SYT1: variants seen among roughly 807,000 people sequenced by gnomAD.
The protein encoded by SYT1 is synaptotagmin 1, also known as synaptotagmin-1.
Under a neutral mutation model 44.8 loss-of-function variants are expected in SYT1, and 8 were observed. The ratio of observed to expected loss-of-function variants is 0.18; its 90% CI spans 0.10 to 0.32. SYT1 has a LOEUF of 0.32. Among genes scored for constraint, SYT1 ranks in the 10% least tolerant of loss-of-function variants. SYT1 has a pLI of 1.00. For synonymous variants in SYT1, 154 were observed against 188.8 expected, an observed-to-expected ratio of 0.82 and a Z score of 1.51; for missense variants, 286 against 509.3, an observed-to-expected ratio of 0.56 and a Z score of 4.22.
chr12:79,346,073 T>C (rs1882593133), intron 8 of SYT1, among the ~76,000 whole-genome samples: 1 of 152,242 alleles, frequency 6.6e-6, no homozygotes. Flanking sequence ...AAGAGTACAG[T>C]GTTTCCATCA....
chr12:79,010,933 T>A (rs941207642), intron 2 of SYT1, among the ~76,000 whole-genome samples: 1 of 152,196 alleles, frequency 6.6e-6, no homozygotes, highest in African/African-American at 2.4e-5. Flanking sequence ...ACCTATTTTA[T>A]TTCCCCTCAA....
At chr12:79,286,899 CAA>C (rs1460607173) in intron 5 of SYT1, among the ~76,000 whole-genome samples, 1 of 151,978 alleles carries the variant, frequency 6.6e-6, no homozygotes, top group Non-Finnish European at 1.5e-5. Flanking sequence ...TCATCAAATA[CAA>C]AAGTTTTATT....
intron 2 of SYT1, among the ~76,000 whole-genome samples, chr12:79,026,702 T>TATATATATATATATATATAAAAAA: frequency 8.0e-6 from 1 of 125,314 alleles, no homozygotes; most frequent in South Asian, 2.5e-4. Context: ...TATATATATA[T>TATATATATATATATATATAAAAAA]CACACTTTCA....
chr12:79,114,783 C>T (rs75549438), intron 3 of SYT1, among the ~76,000 whole-genome samples: 2,282 of 152,138 alleles, frequency 0.015, 91 homozygotes, highest in South Asian at 0.084. Context: ...AGAAGACCCC[C>T]CAGATTTTGA....
At chr12:79,068,080 A>C (rs1319879559) in intron 3 of SYT1, among the ~76,000 whole-genome samples, 1 of 152,158 alleles carries the variant, frequency 6.6e-6, no homozygotes, top group African/African-American at 2.4e-5. Context: ...ATTTGGGTTG[A>C]AGTTGCAAAA....
chr12:78,971,827 A>G (rs1258746803), intron 1 of SYT1, among the ~76,000 whole-genome samples: 1 of 152,154 alleles, frequency 6.6e-6, no homozygotes, highest in Non-Finnish European at 1.5e-5. Flanking sequence ...CTTCAACTAT[A>G]CTACTAATAC....
chr12:78,897,679 G>A (rs1402970923), intron 1 of SYT1, among the ~76,000 whole-genome samples: 1 of 152,010 alleles, frequency 6.6e-6, no homozygotes, highest in Non-Finnish European at 1.5e-5. Context: ...GCCTATGCTA[G>A]GGCTTTACAT....
chr12:79,368,400 T>A (rs1459891248), intron 9 of SYT1, among the ~76,000 whole-genome samples: 1 of 152,108 alleles, frequency 6.6e-6, no homozygotes, highest in Non-Finnish European at 1.5e-5. Context: ...TATAGTCCTT[T>A]GGGTATATAC....
At chr12:78,913,923 G>A (rs1255914066) in intron 1 of SYT1, among the ~76,000 whole-genome samples, 3 of 151,546 alleles carry the variant, frequency 2.0e-5, no homozygotes, top group East Asian at 2.0e-4. Flanking sequence ...GGGAAAAATG[G>A]GTATGTTGTA....
chr12:79,122,513 C>CAAAAAAAAAAAAAAAAAAAAA (rs58384133), intron 3 of SYT1, among the ~76,000 whole-genome samples: 3 of 65,014 alleles, frequency 4.6e-5, no homozygotes, highest in Admixed American at 1.9e-4. Flanking sequence ...GACTCCGTCT[C>CAAAAAAAAAAAAAAAAAAAAA]AAAAAAAAAA....
At chr12:79,399,841 C>A (rs1241180305) in intron 9 of SYT1, among the ~76,000 whole-genome samples, 2 of 152,154 alleles carry the variant, frequency 1.3e-5, no homozygotes, top group Non-Finnish European at 2.9e-5. Flanking sequence ...TAGGGCCACA[C>A]CCTGAGTACC....
Position 79,211,532 on chromosome 12 carries a change from T to A in SYT1, c.-17-5971T>A, listed in dbSNP as rs12306312. 8.4e-3 allele frequency among the ~76,000 whole-genome samples: 1,277 copies of A among 152,028 alleles called. 22 individuals carry two copies. Among genetic ancestry groups the A allele is most frequent in the African/African-American group, 0.03 (1,225 of 41,470 alleles). On this transcript the variant is annotated intron_variant, in intron 3 of 10. Transcript: ENST00000261205. Reference sequence around the variant, plus strand: ...GTATACATGTGCCATGCTGGTGCGCTGCACCCACTAACTCATCATCTAGCA... The same window carrying A: ...GTATACATGTGCCATGCTGGTGCGCAGCACCCACTAACTCATCATCTAGCA...
chr12:79,344,443 C>A (rs1882515820), intron 8 of SYT1, among the ~76,000 whole-genome samples: 1 of 152,060 alleles, frequency 6.6e-6, no homozygotes, highest in African/African-American at 2.4e-5. Flanking sequence ...CTGTACTTTA[C>A]TGTCACTTTT....
intron 9 of SYT1, among the ~76,000 whole-genome samples, chr12:79,391,144 T>A (rs1884640850): frequency 6.6e-6 from 1 of 152,172 alleles, no homozygotes; most frequent in Non-Finnish European, 1.5e-5. Flanking sequence ...CTTGACCCAG[T>A]GGTTAAAGCA....
chr12:79,145,748 T>C (rs78749424), intron 3 of SYT1, among the ~76,000 whole-genome samples: 2 of 148,254 alleles, frequency 1.3e-5, no homozygotes, highest in African/African-American at 5.1e-5. Context: ...TTTTTTTTTT[T>C]TTTTGTTTGT....
intron 3 of SYT1, among the ~76,000 whole-genome samples, chr12:79,206,412 A>G (rs1467059245): frequency 1.3e-5 from 2 of 152,226 alleles, no homozygotes; most frequent in Non-Finnish European, 2.9e-5. Flanking sequence ...GAACATCAGC[A>G]GGAATAATAA....
At chr12:79,220,250 A>G (rs928309495) in intron 4 of SYT1, among the ~76,000 whole-genome samples, 6 of 152,094 alleles carry the variant, frequency 3.9e-5, no homozygotes, top group Admixed American at 3.9e-4. Flanking sequence ...TTTCTATTGT[A>G]TCAGTTGCAA....
chr12:78,866,441 G>A (rs896880259), intron 1 of SYT1, among the ~76,000 whole-genome samples: 4 of 152,132 alleles, frequency 2.6e-5, no homozygotes, highest in Non-Finnish European at 5.9e-5. Flanking sequence ...TTTTTGTAAC[G>A]TCTTGTTAAA....
intron 2 of SYT1, among the ~76,000 whole-genome samples, chr12:79,042,458 G>A (rs1237533302): frequency 3.5e-5 from 5 of 144,714 alleles, no homozygotes; most frequent in African/African-American, 7.6e-5. Flanking sequence ...ATTTCTGTGG[G>A]ATCGGTGGTG....
Sources: allele counts gnomAD v4.1 joint callset (sites outside exome capture counted in the v4.1 genomes callset), GRCh38; gene constraint gnomAD v4.1.1; transcripts MANE v1.5; gene names NCBI Gene and HGNC (gene_info 2026-07-23, HGNC 2026-07-21).